Variants in TRDMT1 observed in about 807,000 individuals in gnomAD.
The protein encoded by TRDMT1 is tRNA (cytosine(38)-C(5))-methyltransferase.
In TRDMT1, 49 loss-of-function variants were observed where a neutral mutation model predicts 51.2. That is an observed-to-expected ratio of 0.96 (90% CI 0.76 to 1.21). The LOEUF is 1.21. Ranked by LOEUF, TRDMT1 falls within the 50% of genes most tolerant of loss-of-function variation. The probability of loss-of-function intolerance (pLI) is 0.00; values close to 1 mark genes in which losing one functional copy is unlikely to be tolerated. For missense variants in TRDMT1, 534 were observed against 462.3 expected, an observed-to-expected ratio of 1.16 and a Z score of -1.42; for synonymous variants, 187 against 164.6, an observed-to-expected ratio of 1.14 and a Z score of -1.04.
In TRDMT1 at chr10:17,148,481, T is replaced by C. The variant is rs1386006326; in HGVS notation, c.*559A>G. The stretch of plus-strand genomic sequence containing the variant: ...CGCTTCATGGAGAGGTAATCAAACA[T>C]TTAGGATTATTTTTCCTGACATATT... On this transcript the variant is annotated 3_prime_UTR_variant, in exon 11 of 11. Coordinates refer to ENST00000377799, the MANE Select transcript of TRDMT1 (RefSeq NM_004412.7). 1.0e-6 allele frequency: 1 copy of C among 985,236 alleles called. No individual in the cohort carries two copies. Among genetic ancestry groups the C allele is most frequent in the Admixed American group, 6.2e-5 (1 of 16,250 alleles). The allele number at this position is 985,236 out of a possible 1,614,324, so 61.0% of individuals were successfully genotyped here. A position where few individuals can be genotyped will look rare whatever the true frequency, so the allele number is the denominator to read the frequency against.
chr10:17,154,395 G>A (rs909056442), intron 9 of TRDMT1, among the ~76,000 whole-genome samples: 84 of 152,052 alleles, frequency 5.5e-4, no homozygotes, highest in African/African-American at 1.9e-3. Context: ...AACTATTGTA[G>A]GCTGAGTTTC....
intron 10 of TRDMT1, chr10:17,150,977 T>C: frequency 1.0e-6 from 1 of 985,114 alleles, no homozygotes; most frequent in Non-Finnish European, 1.2e-6. Context: ...ATAAGTAAGA[T>C]TCGTACAAAT....
chr10:17,194,434 C>T (rs1296759463), intron 1 of TRDMT1, among the ~76,000 whole-genome samples: 1 of 152,016 alleles, frequency 6.6e-6, no homozygotes, highest in Non-Finnish European at 1.5e-5. Flanking sequence ...TATCCAGAAT[C>T]TAAAAGAAAC....
intron 1 of TRDMT1, among the ~76,000 whole-genome samples, chr10:17,180,826 A>G (rs1432063224): frequency 6.6e-6 from 1 of 152,218 alleles, no homozygotes; most frequent in African/African-American, 2.4e-5. Flanking sequence ...CTTAAGAAAC[A>G]GTATGAAAGA....
At chr10:17,159,014 T>C (rs1026246325) in intron 7 of TRDMT1, 132 bp downstream of exon 7, 26 of 474,754 alleles carry the variant, frequency 5.5e-5, no homozygotes, top group Non-Finnish European at 8.8e-5. Context: ...ACCTAGGGCA[T>C]GGTCTATACT....
chr10:17,163,284 C>G lies in TRDMT1; in HGVS notation c.252-1047G>C, dbSNP rs182402287. 2.0e-5 allele frequency among the ~76,000 whole-genome samples: 3 copies of G among 151,938 alleles called. No homozygotes were observed. In the East Asian group the frequency reaches 5.8e-4, roughly 29 times the overall value. On this transcript the variant is annotated intron_variant, in intron 3 of 10. Coordinates refer to ENST00000377799, the MANE Select transcript of TRDMT1 (RefSeq NM_004412.7). ...GCAGAAATGAAGACTTGAATTGAGCCCGAGCAGCAGGAATAGAGGATCAAG... is the reference window on the plus strand; with the variant it reads ...GCAGAAATGAAGACTTGAATTGAGCGCGAGCAGCAGGAATAGAGGATCAAG...
intron 3 of TRDMT1, among the ~76,000 whole-genome samples, chr10:17,168,559 T>C (rs1841522875): frequency 6.6e-6 from 1 of 152,026 alleles, no homozygotes; most frequent in Non-Finnish European, 1.5e-5. Flanking sequence ...AACGGAATCA[T>C]GGGGGCAGGT....
chr10:17,144,622 A>ATTG lies in TRDMT1; in HGVS notation c.*4415_*4417dup. On this transcript the variant is annotated 3_prime_UTR_variant, in exon 11 of 11. Transcript: ENST00000377799. ...GGGGAATACAAAGCCAAAACAGCTC[A>ATTG]TTGTACATGCTCATATTTCTTGAAC... 2 of 985,434 alleles carry ATTG rather than the reference A, an allele frequency of 2.0e-6. No individual in the cohort carries two copies. The highest frequency in any genetic ancestry group is 2.4e-6 in the Non-Finnish European group (2 of 829,896). The allele number at this position is 985,434 out of a possible 1,614,324, so 61.0% of individuals were successfully genotyped here.
Position 17,196,819 on chromosome 10 carries a change from AC to A in TRDMT1, c.64+4751del, listed in dbSNP as rs569631045. ...CAACCACCTGCATCCACATGATAAGACCTCAGTTTAGAGTTAGCAGTGTGAG... is the reference window on the plus strand; with the variant it reads ...CAACCACCTGCATCCACATGATAAGACTCAGTTTAGAGTTAGCAGTGTGAG... On this transcript the variant is annotated intron_variant, in intron 1 of 10. Transcript: ENST00000377799. Among the ~76,000 whole-genome samples, 46 of 152,254 alleles carry A rather than the reference AC, an allele frequency of 3.0e-4. No homozygotes were observed. In the South Asian group the frequency reaches 7.2e-3, roughly 24 times the overall value.
chr10:17,152,090 G>T, intron 10 of TRDMT1: 1 of 1,299,368 alleles, frequency 7.7e-7, no homozygotes, highest in Non-Finnish European at 1.0e-6. Flanking sequence ...GAGTATGTCT[G>T]ATTGCTCATC....
At chr10:17,150,485 T>C (rs1838547327) in intron 10 of TRDMT1, 1 of 985,326 alleles carries the variant, frequency 1.0e-6, no homozygotes, top group Non-Finnish European at 1.2e-6. Flanking sequence ...GGATCCCTTA[T>C]ATGCTGGAAG....
rs7070966 is a variant in TRDMT1 at position 17,146,073 on chromosome 10, A to T, written c.*2967T>A. 0.15 allele frequency: 146,672 copies of T among 985,188 alleles called. 11,085 individuals carry two copies. Among genetic ancestry groups the T allele is most frequent in the Admixed American group, 0.17 (2,795 of 16,258 alleles). The allele number at this position is 985,188 out of a possible 1,614,324, so 61.0% of individuals were successfully genotyped here. A position where few individuals can be genotyped will look rare whatever the true frequency, so the allele number is the denominator to read the frequency against. ...AACCCCATCCAATTTTACATCCCAC[A>T]TGGTAGCAATACAGCCTTTCAGGGC... On this transcript the variant is annotated 3_prime_UTR_variant, in exon 11 of 11. Transcript: ENST00000377799.
intron 2 of TRDMT1, chr10:17,169,231 A>G: frequency 1.3e-6 from 1 of 787,908 alleles, no homozygotes; most frequent in Non-Finnish European, 1.7e-6. Context: ...GCTGTTTTCT[A>G]GAGTAAAACG....
rs1050603641 is a variant in TRDMT1, at chr10:17,145,114, G to A, written c.*3926C>T. The A allele has an allele frequency of 2.7e-5, 15 of 565,562 alleles. No individual in the cohort carries two copies. The highest frequency in any genetic ancestry group is 3.4e-5 in the Non-Finnish European group (15 of 446,596). The allele number at this position is 565,562 out of a possible 1,614,324, so 35.0% of individuals were successfully genotyped here. A position where few individuals can be genotyped will look rare whatever the true frequency, so the allele number is the denominator to read the frequency against. On this transcript the variant is annotated 3_prime_UTR_variant, in exon 11 of 11. Transcript: ENST00000377799. The stretch of plus-strand genomic sequence containing the variant: ...ATACAAAAATTAGCTAGGTGTGGTG[G>A]CATGCGCCTGTAATCCCAGCTACTA...
Position 17,143,338 on chromosome 10 carries a change from T to C in TRDMT1, c.*5702A>G, listed in dbSNP as rs984027149. 3.0e-5 allele frequency: 30 copies of C among 985,340 alleles called. No homozygotes were observed. Among genetic ancestry groups the C allele is most frequent in the Non-Finnish European group, 3.4e-5 (28 of 829,926 alleles). The allele number at this position is 985,340 out of a possible 1,614,324, so 61.0% of individuals were successfully genotyped here. A position where few individuals can be genotyped will look rare whatever the true frequency, so the allele number is the denominator to read the frequency against. On this transcript the variant is annotated 3_prime_UTR_variant, in exon 11 of 11. Coordinates refer to ENST00000377799, the MANE Select transcript of TRDMT1 (RefSeq NM_004412.7). ...TGCCCTTGTGGAAGTTTACATTCTC[T>C]AAAACATGAAACATTTTCCATTTTT... is the stretch of plus-strand genomic sequence containing the variant.
rs897442321 is a variant in TRDMT1, at chr10:17,152,127, T to C, written c.1075+1380A>G. ...GAAAAAAGGAAAAAAAAATAGTAGC[T>C]AGGAAAGCAGACTAGGAATGAGAAT... On this transcript the variant is annotated intron_variant, in intron 10 of 10. Transcript: ENST00000377799. 5 of 1,274,090 alleles carry C rather than the reference T, an allele frequency of 3.9e-6. No homozygotes were observed. The African/African-American group carries it at 6.1e-5, about 16-fold the overall frequency. The allele number at this position is 1,274,090 out of a possible 1,614,324, so 78.9% of individuals were successfully genotyped here. A position where few individuals can be genotyped will look rare whatever the true frequency, so the allele number is the denominator to read the frequency against.
chr10:17,175,503 G>A (rs561027365), intron 1 of TRDMT1, among the ~76,000 whole-genome samples: 15 of 152,082 alleles, frequency 9.9e-5, no homozygotes, highest in African/African-American at 3.6e-4. Flanking sequence ...TGCATGCCCT[G>A]ACCCAAGTCA....
chr10:17,152,093 T>G, intron 10 of TRDMT1: 1 of 1,299,556 alleles, frequency 7.7e-7, no homozygotes, highest in Non-Finnish European at 1.0e-6. Context: ...TATGTCTGAT[T>G]GCTCATCTGA....
At position 17,196,144 on chromosome 10, in the gene TRDMT1, A is replaced by AG. The variant is rs369690969; in HGVS notation, c.64+5426dup. On this transcript the variant is annotated intron_variant, in intron 1 of 10. Coordinates refer to ENST00000377799, the MANE Select transcript of TRDMT1 (RefSeq NM_004412.7). ...TGAGGAACAAAGACAAAAGAGATTC[A>AG]GAAAATGAATAATTAATACGTGACA... Among the ~76,000 whole-genome samples, 306 of 152,400 alleles carry AG rather than the reference A, an allele frequency of 2.0e-3. 2 individuals are homozygous for AG. Among genetic ancestry groups the AG allele is most frequent in the African/African-American group, 7.1e-3 (297 of 41,606 alleles).
Sources: allele counts gnomAD v4.1 joint callset (sites outside exome capture counted in the v4.1 genomes callset), GRCh38; gene constraint gnomAD v4.1.1; transcripts MANE v1.5; gene names NCBI Gene and HGNC (gene_info 2026-07-23, HGNC 2026-07-21).